Variants in DCLK2 observed in about 807,000 individuals in gnomAD.
The protein encoded by DCLK2 is serine/threonine-protein kinase DCLK2.
Under a neutral mutation model 78.4 loss-of-function variants are expected in DCLK2, and 31 were observed. The ratio of observed to expected loss-of-function variants is 0.40; its 90% confidence interval spans 0.30 to 0.53. The LOEUF is 0.53. Among genes scored for constraint, DCLK2 ranks in the 20% least tolerant of loss-of-function variants. DCLK2 has a pLI of 0.61. For synonymous variants in DCLK2, 407 were observed against 374.9 expected (o/e 1.09, Z -0.99); for missense variants, 872 against 973.7 (o/e 0.90, Z 1.39).
At chr4:150,204,075 T>C (rs532323736) in intron 5 of DCLK2, among the ~76,000 whole-genome samples, 186 bp downstream of exon 5, 78 of 152,230 alleles carry the variant, frequency 5.1e-4, no homozygotes, top group Non-Finnish European at 1.0e-3. Flanking sequence ...ACTTAACTCC[T>C]CTGAGCTGAA....
intron 2 of DCLK2, among the ~76,000 whole-genome samples, chr4:150,182,656 A>C (rs1410988998): frequency 1.3e-5 from 2 of 152,098 alleles, no homozygotes; most frequent in African/African-American, 4.8e-5. Context: ...TATGTAGTAG[A>C]ATATTGTTTG....
chr4:150,172,989 A>G (rs12019295), intron 2 of DCLK2, among the ~76,000 whole-genome samples: 27,640 of 152,112 alleles, frequency 0.18, 2,688 homozygotes, highest in Non-Finnish European at 0.22. Context: ...CATCTTTAGA[A>G]ATGGGGTAGG....
intron 10 of DCLK2, among the ~76,000 whole-genome samples, chr4:150,236,707 C>G (rs1475143195): frequency 6.6e-6 from 1 of 152,188 alleles, no homozygotes; most frequent in African/African-American, 2.4e-5. Flanking sequence ...TGAAGACAGT[C>G]TCTCACTAAG....
chr4:150,239,834 C>A lies in DCLK2; in HGVS notation c.1659C>A (p.Gly553=). The change falls in exon 11 of 16, where the codon GGC becomes GGA. Residue 553 remains glycine, a synonymous_variant. Transcript: ENST00000296550. Reference sequence around the variant, plus strand: ...AAGGCCCTTTATACACAGTCTGTGGCACACCCACTTATGTGGCTCCAGAAA... The same window carrying A: ...AAGGCCCTTTATACACAGTCTGTGGAACACCCACTTATGTGGCTCCAGAAA... The part of the protein sequence containing the change: ...VVEGPLYTVC[G]TPTYVAPEII... 1 of 1,614,236 alleles carries A rather than the reference C, an allele frequency of 6.2e-7. No homozygotes were observed. Among genetic ancestry groups the A allele is most frequent in the Non-Finnish European group, 8.5e-7 (1 of 1,180,042 alleles).
chr4:150,193,443 A>T (rs1475789261), intron 3 of DCLK2, among the ~76,000 whole-genome samples: 1 of 152,232 alleles, frequency 6.6e-6, no homozygotes, highest in Non-Finnish European at 1.5e-5. Flanking sequence ...AAGAAAGAAA[A>T]AGAAAAAGAA....
chr4:150,190,341 T>C (rs1738359983), intron 2 of DCLK2, among the ~76,000 whole-genome samples: 1 of 151,918 alleles, frequency 6.6e-6, no homozygotes, highest in South Asian at 2.1e-4. Context: ...CAGAAAGGCC[T>C]GGGAAACAGT....
intron 5 of DCLK2, among the ~76,000 whole-genome samples, chr4:150,214,300 T>A (rs1483792510): frequency 6.6e-6 from 1 of 152,216 alleles, no homozygotes. Context: ...GATTCTTTAA[T>A]CAACTTGGGA....
rs59096633 is a variant in DCLK2 at position 150,188,904 on chromosome 4, CAAA to C, written c.757-4217_757-4215del. On this transcript the variant is annotated intron_variant, in intron 2 of 15. Transcript: ENST00000296550. The stretch of plus-strand genomic sequence containing the variant: ...TGGGTGACAGAGCGAGACTCTGTCT[CAAA>C]AAAAAAAAAAAAAAAAGCCAAATAA... Among the ~76,000 whole-genome samples the C allele has an allele frequency of 1.1e-3, 102 of 94,090 alleles. 1 individual carries two copies. The highest frequency in any genetic ancestry group is 2.3e-3 in the African/African-American group (59 of 25,578). The allele number at this position is 94,090 out of a possible 152,430, so 61.7% of individuals were successfully genotyped here.
chr4:150,102,438 A>C, intron 1 of DCLK2, 40 bp from the exon 2 acceptor site: 1,521 of 1,503,534 alleles, frequency 1.0e-3, no homozygotes, highest in Non-Finnish European at 1.3e-3. Flanking sequence ...CTTCTATGAT[A>C]GAGATAATCA....
At chr4:150,189,263 C>T (rs1195712716) in intron 2 of DCLK2, among the ~76,000 whole-genome samples, 3 of 151,542 alleles carry the variant, frequency 2.0e-5, no homozygotes, top group Admixed American at 2.0e-4. Context: ...AAAATCAGTT[C>T]AATTCCATTT....
intron 2 of DCLK2, among the ~76,000 whole-genome samples, chr4:150,165,835 A>T (rs1318996361): frequency 6.6e-6 from 1 of 152,212 alleles, no homozygotes; most frequent in African/African-American, 2.4e-5. Flanking sequence ...GCCTAATAAG[A>T]TCTGATTGGA....
chr4:150,210,895 C>T (rs1167163952), intron 5 of DCLK2, among the ~76,000 whole-genome samples: 1 of 138,830 alleles, frequency 7.2e-6, no homozygotes, highest in African/African-American at 2.7e-5. Flanking sequence ...TTGCAGTGAG[C>T]GGAGATTGCG....
chr4:150,097,918 T>G (rs748067261), intron 1 of DCLK2, among the ~76,000 whole-genome samples: 2 of 152,164 alleles, frequency 1.3e-5, no homozygotes, highest in Admixed American at 1.3e-4. Flanking sequence ...AATATGGATA[T>G]ATGTATCTAA....
At chr4:150,148,145 ATTGAGCTCCGTAGT>A (rs1290923036) in intron 2 of DCLK2, among the ~76,000 whole-genome samples, 1 of 152,138 alleles carries the variant, frequency 6.6e-6, no homozygotes, top group Non-Finnish European at 1.5e-5. Flanking sequence ...AGGTGGGTAG[ATTGAGCTCCGTAGT>A]TCGAGACCAG....
chr4:150,244,160 C>T (rs1292999870), intron 12 of DCLK2, among the ~76,000 whole-genome samples: 2 of 152,040 alleles, frequency 1.3e-5, no homozygotes, highest in African/African-American at 4.8e-5. Flanking sequence ...GTCTTGAACT[C>T]CTAGCCTCAG....
At chr4:150,112,719 G>A (rs529388422) in intron 2 of DCLK2, among the ~76,000 whole-genome samples, 1 of 151,590 alleles carries the variant, frequency 6.6e-6, no homozygotes, top group African/African-American at 2.4e-5. Context: ...TTCTGTTTAT[G>A]TGATGTATCT....
chr4:150,244,644 G>A (rs1335960290), intron 12 of DCLK2, among the ~76,000 whole-genome samples: 1 of 152,244 alleles, frequency 6.6e-6, no homozygotes, highest in African/African-American at 2.4e-5. Flanking sequence ...CCAGATTGTG[G>A]AGTATCAATG....
intron 10 of DCLK2, 53 bp from the exon 11 acceptor site, chr4:150,239,689 A>T: frequency 6.2e-7 from 1 of 1,601,114 alleles, no homozygotes. Context: ...GAGCCCTCTC[A>T]CAATTGTTGA....
chr4:150,212,106 A>T (rs1740362965), intron 5 of DCLK2, among the ~76,000 whole-genome samples: 1 of 152,230 alleles, frequency 6.6e-6, no homozygotes, highest in African/African-American at 2.4e-5. Flanking sequence ...TCGTGTTTTG[A>T]TGCTGAAGTG....
Sources: allele counts gnomAD v4.1 joint callset (sites outside exome capture counted in the v4.1 genomes callset), GRCh38; gene constraint gnomAD v4.1.1; transcripts MANE v1.5; gene names NCBI Gene and HGNC (gene_info 2026-07-23, HGNC 2026-07-21).